MORC1: variants seen among roughly 807,000 people sequenced by gnomAD.
The protein encoded by MORC1 is MORC family CW-type zinc finger protein 1.
MORC1 carries 59 observed loss-of-function variants against 134.9 expected under a neutral mutation model. That is an observed-to-expected ratio of 0.44 (90% confidence interval 0.35 to 0.54). The LOEUF (loss-of-function observed/expected upper bound fraction) is 0.54. Among genes scored for constraint, MORC1 ranks in the 20% least tolerant of loss-of-function variants. The pLI, the probability that MORC1 is intolerant of heterozygous loss-of-function variation, is 0.00. For synonymous variants in MORC1, 395 were observed against 391.7 expected (o/e 1.01, Z -0.10); for missense variants, 947 against 1,134.5 (o/e 0.83, Z 2.37).
intron 15 of MORC1, 107 bp from the exon 16 acceptor site, chr3:109,032,932 G>C (rs563906389): frequency 2.5e-5 from 19 of 762,606 alleles, no homozygotes; most frequent in Non-Finnish European, 4.3e-5. Flanking sequence ...TCAATCCAAA[G>C]ACAACTGAAT....
At chr3:109,043,606 A>G (rs923842744) in intron 14 of MORC1, among the ~76,000 whole-genome samples, 1 of 152,176 alleles carries the variant, frequency 6.6e-6, no homozygotes, top group Admixed American at 6.5e-5. Context: ...AAAAGAAAAA[A>G]AACACAAAAG....
chr3:109,093,776 T>A (rs537799696), intron 7 of MORC1, among the ~76,000 whole-genome samples: 26 of 152,338 alleles, frequency 1.7e-4, no homozygotes, highest in Non-Finnish European at 2.8e-4. Flanking sequence ...TATAATTCAA[T>A]TCATTACAAG....
At chr3:109,038,847 A>G (rs1016880937) in intron 14 of MORC1, among the ~76,000 whole-genome samples, 1 of 152,078 alleles carries the variant, frequency 6.6e-6, no homozygotes, top group Non-Finnish European at 1.5e-5. Flanking sequence ...GTAGCCTTGT[A>G]GTATAGTTTG....
At chr3:109,002,518 C>T (rs1200206911) in intron 20 of MORC1, among the ~76,000 whole-genome samples, 7 of 152,150 alleles carry the variant, frequency 4.6e-5, no homozygotes, top group Non-Finnish European at 1.0e-4. Context: ...TATAGAAGAG[C>T]ATACACTGGG....
chr3:109,074,301 G>C (rs73853804), intron 8 of MORC1, among the ~76,000 whole-genome samples: 3,467 of 152,234 alleles, frequency 0.023, 65 homozygotes, highest in Middle Eastern at 0.11. Flanking sequence ...TTTTTTACTA[G>C]GGGCTGTGCT....
intron 17 of MORC1, among the ~76,000 whole-genome samples, chr3:109,026,254 T>C (rs1411845490): frequency 6.6e-6 from 1 of 152,222 alleles, no homozygotes; most frequent in Non-Finnish European, 1.5e-5. Flanking sequence ...TGGATTCTTA[T>C]GTCCTTTGAA....
intron 17 of MORC1, among the ~76,000 whole-genome samples, chr3:109,020,552 G>A (rs911773127): frequency 2.0e-5 from 3 of 152,076 alleles, no homozygotes; most frequent in Non-Finnish European, 2.9e-5. Context: ...GGATCACGAG[G>A]TCAGGAGATC....
At chr3:109,015,475 T>C (rs1327812193) in intron 17 of MORC1, among the ~76,000 whole-genome samples, 1 of 152,210 alleles carries the variant, frequency 6.6e-6, no homozygotes, top group African/African-American at 2.4e-5. Flanking sequence ...CTCATCTTCT[T>C]TAATTCTATC....
intron 21 of MORC1, among the ~76,000 whole-genome samples, chr3:108,990,509 G>A (rs921619818): frequency 2.0e-5 from 3 of 152,036 alleles, no homozygotes; most frequent in East Asian, 1.9e-4. Context: ...GGCCATCTGC[G>A]GTCACTCTAC....
intron 26 of MORC1, among the ~76,000 whole-genome samples, chr3:108,968,126 G>A (rs1050490667): frequency 3.3e-5 from 5 of 152,154 alleles, no homozygotes; most frequent in African/African-American, 1.2e-4. Flanking sequence ...AATATTAGTG[G>A]TAGAACAGCA....
chr3:108,989,203 T>C (rs1241423147), intron 21 of MORC1, among the ~76,000 whole-genome samples: 1 of 152,212 alleles, frequency 6.6e-6, no homozygotes, highest in Non-Finnish European at 1.5e-5. Flanking sequence ...CTTACAAAGG[T>C]CTTTCATTTA....
chr3:109,088,403 G>A (rs866060300), intron 8 of MORC1, among the ~76,000 whole-genome samples: 1 of 152,124 alleles, frequency 6.6e-6, no homozygotes, highest in African/African-American at 2.4e-5. Context: ...ATTAAAAAAT[G>A]GGCAAAGGAC....
intron 5 of MORC1, among the ~76,000 whole-genome samples, chr3:109,099,875 T>C (rs1950894175): frequency 6.6e-6 from 1 of 152,178 alleles, no homozygotes; most frequent in African/African-American, 2.4e-5. Flanking sequence ...AGTACAGGGG[T>C]ACCGCTTCAG....
intron 17 of MORC1, among the ~76,000 whole-genome samples, chr3:109,011,325 C>A (rs1325346870): frequency 6.6e-6 from 1 of 152,190 alleles, no homozygotes; most frequent in African/African-American, 2.4e-5. Context: ...ATAGCGTAAT[C>A]ATTTTAACTT....
intron 24 of MORC1, among the ~76,000 whole-genome samples, chr3:108,972,464 A>T (rs1947413947): frequency 6.6e-6 from 1 of 152,232 alleles, no homozygotes; most frequent in Admixed American, 6.5e-5. Context: ...TTATAATTTC[A>T]AGGAGATTCA....
chr3:108,995,009 T>C (rs1431918525), intron 21 of MORC1, among the ~76,000 whole-genome samples: 1 of 152,208 alleles, frequency 6.6e-6, no homozygotes, highest in Non-Finnish European at 1.5e-5. Context: ...TTTGTACTTT[T>C]ATCGTTTTTA....
chr3:109,000,699 G>C, intron 20 of MORC1, 41 bp from the exon 21 acceptor site: 1 of 1,431,518 alleles, frequency 7.0e-7, no homozygotes, highest in Non-Finnish European at 9.7e-7. Flanking sequence ...AGGATTAGTG[G>C]CAATCAATGG....
chr3:109,055,820 G>A (rs79174299), intron 13 of MORC1, among the ~76,000 whole-genome samples: 4,837 of 152,206 alleles, frequency 0.032, 244 homozygotes, highest in African/African-American at 0.11. Context: ...AAATATACAA[G>A]ATCATTTCAG....
At chr3:109,006,948 G>C (rs1948554056) in intron 18 of MORC1, 81 bp downstream of exon 18, 1 of 1,100,320 alleles carries the variant, frequency 9.1e-7, no homozygotes, top group South Asian at 1.7e-5. Flanking sequence ...AAACCATGAT[G>C]ACAGTTGGCC....
Sources: allele counts gnomAD v4.1 joint callset (sites outside exome capture counted in the v4.1 genomes callset), GRCh38; gene constraint gnomAD v4.1.1; transcripts MANE v1.5; gene names NCBI Gene and HGNC (gene_info 2026-07-23, HGNC 2026-07-21).